Variants in ANKRD29 observed in about 807,000 individuals in gnomAD.
The protein encoded by ANKRD29 is ankyrin repeat domain 29.
A neutral mutation model predicts 38.0 loss-of-function variants in ANKRD29; 32 were observed. The observed-to-expected ratio is 0.84, with a 90% CI of 0.64 to 1.13. The LOEUF (loss-of-function observed/expected upper bound fraction) is 1.13, where lower values mean the gene tolerates loss of function less well. Among genes scored for constraint, ANKRD29 ranks in the 50% most tolerant of loss-of-function variants. The probability of loss-of-function intolerance (pLI) is 0.00; values close to 1 mark genes in which losing one functional copy is unlikely to be tolerated. For missense variants in ANKRD29, 357 were observed against 377.9 expected (o/e 0.94, Z 0.46); for synonymous variants, 135 against 152.4 (o/e 0.89, Z 0.84).
At chr18:23,603,743 C>A (rs2059542465) in intron 9 of ANKRD29, among the ~76,000 whole-genome samples, 1 of 152,066 alleles carries the variant, frequency 6.6e-6, no homozygotes, top group Non-Finnish European at 1.5e-5. Context: ...AAATAGTGAT[C>A]TATGAAAAAA....
At chr18:23,647,850 A>C (rs2060159783) in intron 2 of ANKRD29, 1 of 152,330 alleles carries the variant, frequency 6.6e-6, no homozygotes. Context: ...CAGCAGCCCG[A>C]GTTCTGGCAA....
chr18:23,606,887 T>C (rs2059581405), intron 9 of ANKRD29, among the ~76,000 whole-genome samples: 1 of 152,150 alleles, frequency 6.6e-6, no homozygotes, highest in African/African-American at 2.4e-5. Flanking sequence ...GTTCTGGGAA[T>C]TTCAGGGGAG....
Position 23,649,072 on chromosome 18 carries a change from A to T in ANKRD29, c.132+11T>A, listed in dbSNP as rs752197282. On this transcript the variant is annotated intron_variant, in intron 2 of 9. Transcript: ENST00000592179. Reference sequence around the variant, plus strand: ...GTGCATGCTGGGCATGCATCTACCGAACCACCGTACGCTGTCTCTGCAGTC... The same window carrying T: ...GTGCATGCTGGGCATGCATCTACCGTACCACCGTACGCTGTCTCTGCAGTC... The T allele has an allele frequency of 6.2e-7, 1 of 1,611,586 alleles. No homozygotes were observed. Among genetic ancestry groups the T allele is most frequent in the East Asian group, 2.2e-5 (1 of 44,840 alleles).
In ANKRD29 at chr18:23,620,966, C is replaced by T. The variant is rs148829699; in HGVS notation, c.529-1337G>A. Reference sequence around the variant, plus strand: ...CAATGGCCAGGCCAGCAGAGAATGGCGAGACCAGCTGCAACCCTGGGGTGT... The same window carrying T: ...CAATGGCCAGGCCAGCAGAGAATGGTGAGACCAGCTGCAACCCTGGGGTGT... On this transcript the variant is annotated intron_variant, in intron 6 of 9. Transcript: ENST00000592179. Among the ~76,000 whole-genome samples, 23 of 152,254 alleles carry T rather than the reference C, an allele frequency of 1.5e-4. No individual in the cohort carries two copies. The East Asian group carries it at 3.7e-3, about 24-fold the overall frequency.
intron 1 of ANKRD29, among the ~76,000 whole-genome samples, chr18:23,654,258 CT>C (rs1439358763): frequency 8.0e-5 from 12 of 149,826 alleles, no homozygotes; most frequent in Non-Finnish European, 1.5e-4. Flanking sequence ...GAGCGAGACT[CT>C]GTTTCCCCAG....
In ANKRD29 at chr18:23,617,729, T is replaced by A. The variant is rs371468052; in HGVS notation, c.723+3A>T. ...ATTAGTAAAATTTATCTTTAGGTCTTACCTTCAAAATACCAAGAGTGGGTG... is the reference window on the plus strand; with the variant it reads ...ATTAGTAAAATTTATCTTTAGGTCTAACCTTCAAAATACCAAGAGTGGGTG... On this transcript the variant is annotated splice_donor_region_variant and intron_variant, in intron 8 of 9. Coordinates refer to ENST00000592179, the MANE Select transcript of ANKRD29 (RefSeq NM_173505.4). The A allele has an allele frequency of 5.2e-5, 84 of 1,611,806 alleles. No individual in the cohort carries two copies. Among genetic ancestry groups the A allele is most frequent in the Non-Finnish European group, 7.0e-5 (82 of 1,178,032 alleles).
intron 7 of ANKRD29, chr18:23,618,624 A>C (rs1228542279): frequency 6.6e-6 from 1 of 152,170 alleles, no homozygotes; most frequent in East Asian, 1.9e-4. Context: ...GAAAAGCCAA[A>C]TTCAAAAATT....
chr18:23,610,674 A>G (rs1344564597), intron 9 of ANKRD29, among the ~76,000 whole-genome samples: 1 of 152,074 alleles, frequency 6.6e-6, no homozygotes, highest in Non-Finnish European at 1.5e-5. Context: ...TAAATAAGTA[A>G]ATAAAGGTTG....
chr18:23,627,222 T>C (rs2059872705), intron 6 of ANKRD29, among the ~76,000 whole-genome samples: 1 of 152,228 alleles, frequency 6.6e-6, no homozygotes, highest in Admixed American at 6.5e-5. Flanking sequence ...GAGGGCACAA[T>C]GGGGTGAGTG....
At chr18:23,616,713 ATATT>A (rs1303645676) in intron 8 of ANKRD29, among the ~76,000 whole-genome samples, 1 of 146,208 alleles carries the variant, frequency 6.8e-6, no homozygotes, top group Non-Finnish European at 1.5e-5. Flanking sequence ...GTAATTAGTA[ATATT>A]TATTACTATT....
At chr18:23,617,581 G>GGGAT (rs2059740860) in intron 8 of ANKRD29, 151 bp downstream of exon 8, 1 of 536,978 alleles carries the variant, frequency 1.9e-6, no homozygotes, top group Admixed American at 3.1e-5. Flanking sequence ...CAGAGCCCCT[G>GGGAT]GGATCTCCAG....
chr18:23,619,363 G>T, intron 7 of ANKRD29, 168 bp downstream of exon 7: 1 of 635,184 alleles, frequency 1.6e-6, no homozygotes, highest in Non-Finnish European at 2.6e-6. Flanking sequence ...TCGGGTGGAG[G>T]AGGAGAGAGA....
intron 1 of ANKRD29, among the ~76,000 whole-genome samples, chr18:23,661,892 T>C (rs2060367077): frequency 6.6e-6 from 1 of 152,162 alleles, no homozygotes; most frequent in African/African-American, 2.4e-5. Flanking sequence ...TCTGCTTACA[T>C]GAGCTATTGT....
At position 23,634,126 on chromosome 18, in the gene ANKRD29, A is replaced by T. The variant is rs2059969894; in HGVS notation, c.354T>A (p.Ala118=). ...CCTGCATGTGCCCGTACTGACTGGC[A>T]GCCAACAGGGCGGTGCCCCCGTCCT... ...RTKDGGTALL[A]ASQYGHMQVV... is the part of the protein sequence containing the mutation. The change falls in exon 5 of 10, where the codon GCT becomes GCA. Residue 118 remains alanine (A), a synonymous_variant. Transcript: ENST00000592179. 4 of 1,614,076 alleles carry T rather than the reference A, an allele frequency of 2.5e-6. No homozygotes were observed. The highest frequency in any genetic ancestry group is 3.4e-6 in the Non-Finnish European group (4 of 1,180,036).
intron 5 of ANKRD29, among the ~76,000 whole-genome samples, chr18:23,631,393 A>G (rs2059930770): frequency 1.3e-5 from 2 of 151,006 alleles, no homozygotes. Context: ...GGCGTGCATC[A>G]CCACATCCAG....
intron 6 of ANKRD29, 52 bp from the exon 7 acceptor site, chr18:23,619,681 C>G: frequency 6.8e-7 from 1 of 1,463,474 alleles, no homozygotes; most frequent in East Asian, 2.4e-5. Flanking sequence ...CGGCCCCACC[C>G]GCTCACAGAA....
chr18:23,615,809 T>C (rs1325438956), intron 8 of ANKRD29, among the ~76,000 whole-genome samples: 1 of 151,484 alleles, frequency 6.6e-6, no homozygotes, highest in African/African-American at 2.4e-5. Flanking sequence ...AAATATTTGC[T>C]ATCTGGTAAC....
At chr18:23,657,293 G>A (rs923550144) in intron 1 of ANKRD29, among the ~76,000 whole-genome samples, 2 of 152,166 alleles carry the variant, frequency 1.3e-5, no homozygotes, top group Admixed American at 6.5e-5. Context: ...TTAGCCCAAC[G>A]GGAGAGGTTT....
At chr18:23,623,150 C>T (rs560611770) in intron 6 of ANKRD29, among the ~76,000 whole-genome samples, 9 of 152,228 alleles carry the variant, frequency 5.9e-5, no homozygotes, top group Non-Finnish European at 1.0e-4. Context: ...AGAAACAATA[C>T]GCCCCTTAAT....
Sources: gnomAD v4.1 joint callset for allele counts (sites outside exome capture counted in the v4.1 genomes callset) on GRCh38, gnomAD v4.1.1 for gene constraint, MANE v1.5 for transcripts, NCBI Gene and HGNC (gene_info 2026-07-23, HGNC 2026-07-21) for gene names.